The following APBA2 variants were observed in gnomAD, a reference collection of about 807,000 sequenced individuals.
APBA2 encodes the protein amyloid beta precursor protein binding family A member 2, also known as amyloid-beta A4 precursor protein-binding family A member 2.
APBA2 carries 30 observed loss-of-function variants against 75.0 expected under a neutral mutation model. That is an observed-to-expected ratio of 0.40 (90% CI 0.30 to 0.54). APBA2 has a LOEUF of 0.54. Ranked by LOEUF, APBA2 falls within the 20% of genes least tolerant of loss-of-function variation. The pLI is 0.49. For missense variants in APBA2, 801 were observed against 1,016.1 expected (o/e 0.79, Z 2.88); for synonymous variants, 444 against 409.6 (o/e 1.08, Z -1.01).
At chr15:29,098,296 C>T (rs1354535666) in intron 8 of APBA2, among the ~76,000 whole-genome samples, 194 bp from the exon 9 acceptor site, 5 of 152,212 alleles carry the variant, frequency 3.3e-5, no homozygotes, top group Non-Finnish European at 7.3e-5. Context: ...TTTCTCCACC[C>T]CACGCCAGTG....
chr15:28,927,934 G>A (rs560310232), intron 2 of APBA2, among the ~76,000 whole-genome samples: 4 of 151,014 alleles, frequency 2.6e-5, no homozygotes, highest in Middle Eastern at 3.4e-3. Flanking sequence ...ACCTGAGGTC[G>A]GGTGTTTGAG....
intron 2 of APBA2, among the ~76,000 whole-genome samples, chr15:28,962,441 C>G (rs575888345): frequency 6.6e-6 from 1 of 151,890 alleles, no homozygotes; most frequent in East Asian, 1.9e-4. Context: ...TGGTGGCGGG[C>G]GCCTGTAGTC....
chr15:29,042,386 C>T (rs964184359), intron 3 of APBA2, among the ~76,000 whole-genome samples: 2 of 152,094 alleles, frequency 1.3e-5, no homozygotes, highest in Non-Finnish European at 2.9e-5. Context: ...GAGTCTCCTG[C>T]CTCAGCCTCC....
Position 29,020,752 on chromosome 15 carries a change from A to G in APBA2, c.-41+24946A>G, listed in dbSNP as rs569577430. 4.9e-4 allele frequency among the ~76,000 whole-genome samples: 75 copies of G among 151,962 alleles called. 1 individual carries two copies. Among genetic ancestry groups the G allele is most frequent in the Non-Finnish European group, 7.7e-4 (52 of 67,928 alleles). On this transcript the variant is annotated intron_variant, in intron 3 of 14. Transcript: ENST00000683413. ...TTGAACCCGGGAGGCAGAGGTTGCA[A>G]TGAGCTGAGATCATGCCATTGCACT...
intron 1 of APBA2, among the ~76,000 whole-genome samples, chr15:28,915,682 T>C (rs1343087433): frequency 6.8e-6 from 1 of 146,948 alleles, no homozygotes; most frequent in Non-Finnish European, 1.5e-5. Flanking sequence ...GCACATCCCA[T>C]ACACACCACA....
Position 28,990,986 on chromosome 15 carries a change from T to C in APBA2, c.-94-4767T>C, listed in dbSNP as rs559304443. On this transcript the variant is annotated intron_variant, in intron 2 of 14. Coordinates refer to ENST00000683413, the MANE Select transcript of APBA2 (RefSeq NM_001353788.2). ...AAAACATTTGCACAAATGAGAGTCT[T>C]GAGGTTTGAGCTTTCTATTCTAAAG... is the stretch of plus-strand genomic sequence containing the variant. Among the ~76,000 whole-genome samples the C allele has an allele frequency of 2.0e-5, 3 of 152,340 alleles. No homozygotes were observed. In the East Asian group the frequency reaches 5.8e-4, roughly 29 times the overall value.
At chr15:28,886,659 G>A (rs1321574082) in intron 1 of APBA2, among the ~76,000 whole-genome samples, 1 of 152,128 alleles carries the variant, frequency 6.6e-6, no homozygotes, top group Non-Finnish European at 1.5e-5. Context: ...GCTTGGCACC[G>A]GCATCAAGTC....
chr15:29,072,968 G>C (rs1474310909), intron 4 of APBA2, among the ~76,000 whole-genome samples: 1 of 152,110 alleles, frequency 6.6e-6, no homozygotes, highest in Non-Finnish European at 1.5e-5. Context: ...CTTAAAGCCC[G>C]GTGCCCGCTC....
intron 1 of APBA2, among the ~76,000 whole-genome samples, chr15:28,893,192 G>A (rs895337641): frequency 6.6e-6 from 1 of 152,206 alleles, no homozygotes; most frequent in African/African-American, 2.4e-5. Context: ...ATCCTGAGAA[G>A]GGCACGTGGA....
At chr15:28,974,060 G>A (rs1156487297) in intron 2 of APBA2, among the ~76,000 whole-genome samples, 1 of 152,122 alleles carries the variant, frequency 6.6e-6, no homozygotes, top group African/African-American at 2.4e-5. Context: ...TTTCAGATTG[G>A]TTCACATAGT....
At chr15:28,994,822 C>T (rs1241526883) in intron 2 of APBA2, among the ~76,000 whole-genome samples, 1 of 152,168 alleles carries the variant, frequency 6.6e-6, no homozygotes, top group Non-Finnish European at 1.5e-5. Flanking sequence ...GGGCTCTTCC[C>T]TACGACTGCA....
At chr15:28,890,209 G>A (rs556527730) in intron 1 of APBA2, among the ~76,000 whole-genome samples, 20 of 152,338 alleles carry the variant, frequency 1.3e-4, no homozygotes, top group Admixed American at 1.0e-3. Context: ...GAATTGTACA[G>A]TGCAACGTCA....
intron 13 of APBA2, 48 bp from the exon 14 acceptor site, chr15:29,113,828 G>A (rs371592409): frequency 6.3e-7 from 1 of 1,597,686 alleles, no homozygotes; most frequent in Non-Finnish European, 8.5e-7. Context: ...TGGAGCGCCT[G>A]TCGGGTGTGG....
intron 2 of APBA2, chr15:28,976,920 T>A (rs1476670702): frequency 2.6e-5 from 4 of 152,198 alleles, no homozygotes; most frequent in African/African-American, 9.7e-5. Flanking sequence ...TTGTTAAAAC[T>A]TACCTGTGAC....
intron 2 of APBA2, among the ~76,000 whole-genome samples, chr15:28,984,723 G>C (rs545333803): frequency 6.6e-6 from 1 of 150,454 alleles, no homozygotes; most frequent in Admixed American, 6.6e-5. Flanking sequence ...ATCTCTGGGG[G>C]TTGGGAGAGC....
intron 3 of APBA2, among the ~76,000 whole-genome samples, chr15:28,998,809 G>A (rs549277156): frequency 6.6e-6 from 1 of 152,294 alleles, no homozygotes; most frequent in South Asian, 2.1e-4. Context: ...AAGATAAAGT[G>A]AGATCCCTAC....
intron 1 of APBA2, among the ~76,000 whole-genome samples, chr15:28,899,107 GGGAGATGTGGCGCAT>G (rs1166781190): frequency 6.6e-6 from 1 of 152,244 alleles, no homozygotes; most frequent in African/African-American, 2.4e-5. Context: ...AGCAGTCGGG[GGGAGATGTGGCGCAT>G]GGAGAACTCA....
intron 2 of APBA2, among the ~76,000 whole-genome samples, chr15:28,994,944 A>G (rs904080499): frequency 2.0e-5 from 3 of 152,232 alleles, no homozygotes; most frequent in African/African-American, 7.2e-5. Context: ...CTGTATTACT[A>G]TCCTTTTTGA....
rs778993688 is a variant in APBA2 at position 29,053,984 on chromosome 15, A to G, written c.100A>G (p.Met34Val). 74 of 1,613,892 alleles carry G rather than the reference A, an allele frequency of 4.6e-5. No homozygotes were observed. Among genetic ancestry groups the G allele is most frequent in the Admixed American group, 2.0e-4 (12 of 59,996 alleles). Residue 34 changes from methionine (M) to valine (V), a missense_variant, in exon 4 of 15, where the codon ATG (methionine) becomes GTG (valine). Met to Val is a conservative substitution (Grantham distance 21). This residue lies in a region of APBA2 where 434 missense variants were observed against 471.6 expected (regional missense o/e 0.92). Coordinates refer to ENST00000683413, the MANE Select transcript of APBA2 (RefSeq NM_001353788.2). ...PHSQEPESED[M>V]ELPLEGYVPE... ...CAGCCAGGAGCCCGAGAGCGAGGAC[A>G]TGGAGCTGCCCTTGGAGGGCTATGT...
Sources: gnomAD v4.1 joint callset for allele counts (sites outside exome capture counted in the v4.1 genomes callset) on GRCh38, gnomAD v4.1.1 for gene constraint, gnomAD v4.1.1 regional missense constraint, MANE v1.5 for transcripts, NCBI Gene and HGNC (gene_info 2026-07-23, HGNC 2026-07-21) for gene names.